DNAH12: variants seen among roughly 807,000 people sequenced by gnomAD.
DNAH12 encodes dynein axonemal heavy chain 12, also known as axonemal beta dynein heavy chain 12.
DNAH12 carries 285 observed loss-of-function variants against 371.5 expected under a neutral mutation model. That is an observed-to-expected ratio of 0.77 (90% CI 0.70 to 0.85). The LOEUF (loss-of-function observed/expected upper bound fraction) is 0.85. DNAH12 is among the 40% of genes least tolerant of loss of function. The pLI is 0.00. For synonymous variants in DNAH12, 1,200 were observed against 1,213.0 expected (o/e 0.99, Z 0.22); for missense variants, 3,611 against 3,689.4 (o/e 0.98, Z 0.55).
chr3:57,391,127 A>T (rs2063613455), intron 45 of DNAH12, among the ~76,000 whole-genome samples: 1 of 152,136 alleles, frequency 6.6e-6, no homozygotes, highest in South Asian at 2.1e-4. Context: ...AGGTTCCCAG[A>T]TATTTGGTCA....
At chr3:57,322,225 G>A (rs185293958) in intron 65 of DNAH12, 118 bp downstream of exon 65, 56 of 1,158,752 alleles carry the variant, frequency 4.8e-5, no homozygotes, top group African/African-American at 7.8e-5. Context: ...TAGGAAATGC[G>A]TAAAGTTTTA....
chr3:57,391,129 A>G (rs1031669606), intron 45 of DNAH12, among the ~76,000 whole-genome samples: 1 of 152,132 alleles, frequency 6.6e-6, no homozygotes, highest in African/African-American at 2.4e-5. Context: ...GTTCCCAGAT[A>G]TTTGGTCAAA....
chr3:57,476,558 T>C (rs2317657), intron 13 of DNAH12, among the ~76,000 whole-genome samples: 101,533 of 151,864 alleles, frequency 0.67, 34,199 homozygotes, highest in South Asian at 0.75. Flanking sequence ...AGCGAGACTC[T>C]GTCTCAAAAA....
At chr3:57,415,646 G>C in intron 37 of DNAH12, 82 bp from the exon 38 acceptor site, 1 of 1,326,132 alleles carries the variant, frequency 7.5e-7, no homozygotes, top group Middle Eastern at 2.7e-4. Flanking sequence ...GTAGTTAAAA[G>C]TGTACATAAG....
At chr3:57,432,174 T>TTTG (rs2064975762) in intron 32 of DNAH12, among the ~76,000 whole-genome samples, 1 of 149,960 alleles carries the variant, frequency 6.7e-6, no homozygotes, top group East Asian at 1.9e-4. Context: ...ATATCTTTTT[T>TTTG]TTTTTTTTTT....
chr3:57,296,193 A>C (rs1320290622), intron 72 of DNAH12, 151 bp downstream of exon 72: 2 of 512,390 alleles, frequency 3.9e-6, no homozygotes, highest in African/African-American at 1.9e-5. Context: ...ACAACTCATC[A>C]GTTGCCCCAG....
intron 29 of DNAH12, among the ~76,000 whole-genome samples, chr3:57,439,327 C>T (rs2065233483): frequency 1.3e-5 from 2 of 152,160 alleles, no homozygotes; most frequent in Admixed American, 1.3e-4. Context: ...GTAACCAAAA[C>T]TGTATGGTAC....
intron 13 of DNAH12, among the ~76,000 whole-genome samples, chr3:57,479,350 C>G (rs1292370752): frequency 3.3e-5 from 5 of 152,116 alleles, no homozygotes; most frequent in African/African-American, 7.2e-5. Context: ...GTAAAGGGAT[C>G]AATTCAACAA....
the DNAH12 span, among the ~76,000 whole-genome samples, chr3:57,549,435 T>C: frequency 6.7e-6 from 1 of 148,242 alleles, no homozygotes; most frequent in East Asian, 2.1e-4. Flanking sequence ...GAGAATCGCT[T>C]GAACCCAGGA....
intron 4 of DNAH12, chr3:57,519,771 A>G: frequency 6.3e-7 from 1 of 1,590,538 alleles, no homozygotes; most frequent in Non-Finnish European, 8.6e-7. Flanking sequence ...AGGAATGATT[A>G]CATTCTCCCA....
upstream of DNAH12, among the ~76,000 whole-genome samples, chr3:57,546,164 G>A (rs976966959): frequency 1.3e-5 from 2 of 152,080 alleles, no homozygotes; most frequent in African/African-American, 2.4e-5. Flanking sequence ...GTCGGGGGAC[G>A]AAGCACATTC....
chr3:57,459,042 T>A (rs1274532725), intron 20 of DNAH12, among the ~76,000 whole-genome samples: 1 of 152,212 alleles, frequency 6.6e-6, no homozygotes, highest in East Asian at 1.9e-4. Flanking sequence ...TTAAATTGAA[T>A]ACCAGATGAA....
upstream of DNAH12, among the ~76,000 whole-genome samples, chr3:57,544,547 A>C (rs2069441097): frequency 6.6e-6 from 1 of 152,206 alleles, no homozygotes; most frequent in Non-Finnish European, 1.5e-5. Context: ...TTTCCTGGGA[A>C]GGGGACCAGG....
chr3:57,522,480 T>C (rs1451725450), intron 4 of DNAH12, among the ~76,000 whole-genome samples: 1 of 152,158 alleles, frequency 6.6e-6, no homozygotes. Context: ...TATCAGTAAT[T>C]ATACCTAGTA....
At chr3:57,315,237 T>C (rs1283129475) in intron 65 of DNAH12, among the ~76,000 whole-genome samples, 2 of 151,996 alleles carry the variant, frequency 1.3e-5, no homozygotes, top group Non-Finnish European at 1.5e-5. Flanking sequence ...ATACACAGCA[T>C]GTATTTTAAT....
upstream of DNAH12, among the ~76,000 whole-genome samples, chr3:57,545,342 A>G (rs555906474): frequency 6.8e-6 from 1 of 146,332 alleles, no homozygotes; most frequent in South Asian, 2.2e-4. Context: ...TTTTTTTAGT[A>G]GAGACGGGGT....
chr3:57,300,653 T>G (rs923833933), intron 70 of DNAH12, among the ~76,000 whole-genome samples: 1 of 152,096 alleles, frequency 6.6e-6, no homozygotes, highest in Non-Finnish European at 1.5e-5. Context: ...TGGCAAAAAT[T>G]TTAAAGCGAT....
chr3:57,416,497 G>C (rs571710960), intron 37 of DNAH12, among the ~76,000 whole-genome samples: 3 of 152,260 alleles, frequency 2.0e-5, no homozygotes, highest in South Asian at 4.1e-4. Flanking sequence ...TTTCAGAGCA[G>C]AAAGTCAAAG....
intron 2 of DNAH12, among the ~76,000 whole-genome samples, chr3:57,541,950 A>G (rs1032120896): frequency 7.9e-5 from 12 of 152,180 alleles, no homozygotes; most frequent in African/African-American, 2.7e-4. Flanking sequence ...ACAGAAATCC[A>G]CCAAAGAGAA....
Sources: allele counts gnomAD v4.1 joint callset (sites outside exome capture counted in the v4.1 genomes callset), GRCh38; gene constraint gnomAD v4.1.1; transcripts MANE v1.5; gene names NCBI Gene and HGNC (gene_info 2026-07-23, HGNC 2026-07-21).